CLASP1: variants seen among roughly 807,000 people sequenced by gnomAD.
CLASP1 encodes cytoplasmic linker associated protein 1, also known as CLIP-associating protein 1.
CLASP1 carries 38 observed loss-of-function variants against 192.3 expected under a neutral mutation model. The ratio of observed to expected loss-of-function variants is 0.20; its 90% confidence interval spans 0.15 to 0.26. The LOEUF (loss-of-function observed/expected upper bound fraction) is 0.26. Ranked by LOEUF, CLASP1 falls within the 10% of genes least tolerant of loss-of-function variation. The pLI is 1.00. For missense variants in CLASP1, 1,433 were observed against 1,932.5 expected (o/e 0.74, Z 4.85); for synonymous variants, 691 against 712.8 (o/e 0.97, Z 0.49).
intron 24 of CLASP1, among the ~76,000 whole-genome samples, chr2:121,409,479 G>A (rs923756427): frequency 6.6e-6 from 1 of 152,096 alleles, no homozygotes; most frequent in African/African-American, 2.4e-5. Flanking sequence ...AAGTAACAAG[G>A]GCAGCATGAA....
chr2:121,381,864 C>T (rs2071750864), intron 33 of CLASP1, among the ~76,000 whole-genome samples: 1 of 152,202 alleles, frequency 6.6e-6, no homozygotes, highest in Non-Finnish European at 1.5e-5. Context: ...GCTAAGGAAA[C>T]TGCTCCCACT....
At chr2:121,422,037 A>T (rs2079593262) in intron 22 of CLASP1, among the ~76,000 whole-genome samples, 1 of 152,220 alleles carries the variant, frequency 6.6e-6, no homozygotes, top group African/African-American at 2.4e-5. Flanking sequence ...TTCCTAAAAA[A>T]GCAGTATTCC....
intron 19 of CLASP1, among the ~76,000 whole-genome samples, chr2:121,438,915 C>T (rs1559195045): frequency 6.6e-6 from 1 of 151,136 alleles, no homozygotes; most frequent in Non-Finnish European, 1.5e-5. Flanking sequence ...GTACCAGTTC[C>T]TCCTTGTACC....
At chr2:121,628,591 G>A (rs147860795) in intron 1 of CLASP1, among the ~76,000 whole-genome samples, 2 of 150,888 alleles carry the variant, frequency 1.3e-5, no homozygotes, top group African/African-American at 2.4e-5. Context: ...CACAAGAATC[G>A]CTTGAATTTG....
intron 28 of CLASP1, among the ~76,000 whole-genome samples, chr2:121,399,284 T>C (rs1199082846): frequency 6.6e-6 from 1 of 152,186 alleles, no homozygotes; most frequent in Non-Finnish European, 1.5e-5. Context: ...CTACATATAA[T>C]TACTAATAAA....
intron 19 of CLASP1, among the ~76,000 whole-genome samples, chr2:121,438,544 T>C (rs1038723469): frequency 6.6e-6 from 1 of 152,234 alleles, no homozygotes; most frequent in Non-Finnish European, 1.5e-5. Flanking sequence ...TGTCTAGCTA[T>C]TCACATCAAT....
chr2:121,438,005 T>TTATCTG (rs1346304174), intron 19 of CLASP1, among the ~76,000 whole-genome samples: 3 of 152,236 alleles, frequency 2.0e-5, no homozygotes, highest in Non-Finnish European at 4.4e-5. Context: ...CTTTAGTTAT[T>TTATCTG]TTACATTTTG....
At chr2:121,462,744 T>C in intron 9 of CLASP1, 139 bp from the exon 10 acceptor site, 1 of 610,956 alleles carries the variant, frequency 1.6e-6, no homozygotes, top group South Asian at 2.1e-5. Context: ...CATATAACTT[T>C]GAAGTGTCAT....
intron 14 of CLASP1, among the ~76,000 whole-genome samples, chr2:121,456,331 G>C (rs184703790): frequency 6.8e-6 from 1 of 147,796 alleles, no homozygotes; most frequent in Non-Finnish European, 1.5e-5. Flanking sequence ...TGAGACCCCC[G>C]TCTCTAAAAA....
At chr2:121,589,095 C>T (rs1394920354) in intron 2 of CLASP1, among the ~76,000 whole-genome samples, 3 of 152,156 alleles carry the variant, frequency 2.0e-5, no homozygotes, top group African/African-American at 7.2e-5. Flanking sequence ...AATGCAGCCA[C>T]GGGGCAGACA....
intron 19 of CLASP1, among the ~76,000 whole-genome samples, chr2:121,442,932 A>C (rs962590621): frequency 6.6e-6 from 1 of 152,212 alleles, no homozygotes; most frequent in African/African-American, 2.4e-5. Context: ...AAAAGGCACC[A>C]AGTGACATCT....
chr2:121,557,360 C>T (rs370933487), intron 2 of CLASP1, among the ~76,000 whole-genome samples: 4 of 151,936 alleles, frequency 2.6e-5, no homozygotes, highest in African/African-American at 7.3e-5. Flanking sequence ...CTGAGGCGGA[C>T]GGATCACAAG....
intron 7 of CLASP1, among the ~76,000 whole-genome samples, chr2:121,508,163 G>C (rs375256527): frequency 6.6e-6 from 1 of 152,104 alleles, no homozygotes; most frequent in South Asian, 2.1e-4. Context: ...ACTGCATAAA[G>C]CAATAATTAT....
chr2:121,520,239 T>C lies in CLASP1; in HGVS notation c.547-4477A>G, dbSNP rs375419630. ...TTCTCACCAGCACACTGCACCTTAATGTGGATGCCAAAATAAAGGCTTCCT... is the reference window on the plus strand; with the variant it reads ...TTCTCACCAGCACACTGCACCTTAACGTGGATGCCAAAATAAAGGCTTCCT... On this transcript the variant is annotated intron_variant, in intron 6 of 39. Coordinates refer to ENST00000263710, the Ensembl canonical transcript of CLASP1. 2.6e-5 allele frequency among the ~76,000 whole-genome samples: 4 copies of C among 152,264 alleles called. No individual in the cohort carries two copies. In the East Asian group the frequency reaches 5.8e-4, roughly 22 times the overall value.
chr2:121,508,127 T>C (rs1171913856), intron 7 of CLASP1, among the ~76,000 whole-genome samples: 1 of 152,186 alleles, frequency 6.6e-6, no homozygotes, highest in Non-Finnish European at 1.5e-5. Flanking sequence ...TTAGCTCTTT[T>C]CTTGTCCTAC....
At chr2:121,538,658 C>G (rs945985961) in intron 2 of CLASP1, among the ~76,000 whole-genome samples, 10 of 150,412 alleles carry the variant, frequency 6.6e-5, no homozygotes, top group Admixed American at 6.0e-4. Flanking sequence ...TGGCAGTGGG[C>G]ACCTGTAATC....
intron 7 of CLASP1, among the ~76,000 whole-genome samples, chr2:121,507,780 C>T (rs962279331): frequency 2.6e-5 from 4 of 152,090 alleles, no homozygotes; most frequent in Admixed American, 2.0e-4. Flanking sequence ...CAATGGAGAA[C>T]CCACTCATTG....
At chr2:121,514,235 T>C (rs991582175) in intron 7 of CLASP1, among the ~76,000 whole-genome samples, 3 of 152,232 alleles carry the variant, frequency 2.0e-5, no homozygotes, top group African/African-American at 7.2e-5. Context: ...GGTGGATTCA[T>C]GGTCTGGGGT....
intron 8 of CLASP1, among the ~76,000 whole-genome samples, chr2:121,500,344 A>AAAAGAAAGAAAGAAAG (rs201022141): frequency 1.5e-3 from 184 of 119,308 alleles, no homozygotes; most frequent in East Asian, 6.7e-3. Context: ...GAAAGAAAGA[A>AAAAGAAAGAAAGAAAG]AAAGAAAGAA....
Sources: allele counts gnomAD v4.1 joint callset (sites outside exome capture counted in the v4.1 genomes callset), GRCh38; gene constraint gnomAD v4.1.1; transcripts MANE v1.5; gene names NCBI Gene and HGNC (gene_info 2026-07-23, HGNC 2026-07-21).